The following LHFPL6 variants were observed in gnomAD, a reference collection of about 807,000 sequenced individuals.
LHFPL6 encodes LHFPL tetraspan subfamily member 6, also known as LHFPL tetraspan subfamily member 6 protein.
In LHFPL6, 9 loss-of-function variants were observed where a neutral mutation model predicts 20.6. The ratio of observed to expected loss-of-function variants is 0.44; its 90% confidence interval spans 0.26 to 0.76. The LOEUF (loss-of-function observed/expected upper bound fraction) is 0.76. LHFPL6 is among the 30% of genes least tolerant of loss of function. LHFPL6 has a pLI of 0.20. For synonymous variants in LHFPL6, 105 were observed against 98.7 expected, an observed-to-expected ratio of 1.06 and a Z score of -0.38; for missense variants, 218 against 253.5, an observed-to-expected ratio of 0.86 and a Z score of 0.95.
chr13:39,564,203 T>C (rs1195290042), intron 2 of LHFPL6, among the ~76,000 whole-genome samples: 1 of 152,224 alleles, frequency 6.6e-6, no homozygotes, highest in African/African-American at 2.4e-5. Context: ...AAAGTCTGTT[T>C]AGTACACTCT....
chr13:39,560,123 T>C (rs1871425708), intron 2 of LHFPL6, among the ~76,000 whole-genome samples: 1 of 152,146 alleles, frequency 6.6e-6, no homozygotes, highest in South Asian at 2.1e-4. Flanking sequence ...GGTCATTTCC[T>C]AGGCAAAAAT....
At chr13:39,524,642 G>C (rs890825041) in intron 2 of LHFPL6, among the ~76,000 whole-genome samples, 2 of 152,140 alleles carry the variant, frequency 1.3e-5, no homozygotes, top group African/African-American at 4.8e-5. Flanking sequence ...TTTAGTGAAA[G>C]CACTTTGAAA....
chr13:39,388,897 C>T (rs1870634760), intron 2 of LHFPL6, among the ~76,000 whole-genome samples: 2 of 152,148 alleles, frequency 1.3e-5, no homozygotes, highest in South Asian at 4.2e-4. Flanking sequence ...TCCTTCCCGG[C>T]AGGCTTGTAG....
chr13:39,560,506 T>C (rs952346972), intron 2 of LHFPL6, among the ~76,000 whole-genome samples: 3 of 142,062 alleles, frequency 2.1e-5, no homozygotes, highest in East Asian at 2.0e-4. Flanking sequence ...CAAATTCTCT[T>C]TTTTTTTTTT....
chr13:39,471,201 G>C (rs1246128526), intron 2 of LHFPL6, among the ~76,000 whole-genome samples: 2 of 152,196 alleles, frequency 1.3e-5, no homozygotes, highest in East Asian at 3.9e-4. Context: ...ACTGAATATA[G>C]AAAGACTGAA....
chr13:39,487,445 T>C (rs1015360050), intron 2 of LHFPL6, among the ~76,000 whole-genome samples: 4 of 152,196 alleles, frequency 2.6e-5, no homozygotes, highest in African/African-American at 9.7e-5. Flanking sequence ...TTAACCTTCC[T>C]GCATTTTAGT....
intron 2 of LHFPL6, among the ~76,000 whole-genome samples, chr13:39,392,505 A>T (rs1161696204): frequency 6.6e-6 from 1 of 152,164 alleles, no homozygotes; most frequent in Non-Finnish European, 1.5e-5. Context: ...AAGGCAGGAG[A>T]ATCGCTTGAA....
chr13:39,368,991 C>CA (rs1870084516), intron 3 of LHFPL6, among the ~76,000 whole-genome samples: 3 of 148,804 alleles, frequency 2.0e-5, no homozygotes, highest in Middle Eastern at 3.6e-3. Flanking sequence ...ACACATAATA[C>CA]AAAAAATAAT....
intron 2 of LHFPL6, among the ~76,000 whole-genome samples, chr13:39,444,649 G>A (rs1020247634): frequency 3.9e-5 from 6 of 152,154 alleles, no homozygotes; most frequent in African/African-American, 1.4e-4. Context: ...ACTCCACAGG[G>A]TACAAGCTAT....
intron 2 of LHFPL6, among the ~76,000 whole-genome samples, chr13:39,530,276 A>T (rs1404612203): frequency 2.0e-5 from 3 of 151,944 alleles, no homozygotes; most frequent in African/African-American, 7.3e-5. Context: ...TAAAAAAAAA[A>T]AGAAAAGAGT....
intron 2 of LHFPL6, among the ~76,000 whole-genome samples, chr13:39,537,267 T>C (rs987309396): frequency 2.0e-5 from 3 of 152,238 alleles, no homozygotes; most frequent in Non-Finnish European, 4.4e-5. Flanking sequence ...CAAGTCCACG[T>C]GGCTTTATGG....
chr13:39,599,141 T>G (rs912591489), intron 2 of LHFPL6, among the ~76,000 whole-genome samples: 3 of 152,176 alleles, frequency 2.0e-5, no homozygotes, highest in Non-Finnish European at 4.4e-5. Context: ...CAATAAAAAC[T>G]GATTTCTCTT....
At chr13:39,581,545 A>G (rs904138947) in intron 2 of LHFPL6, among the ~76,000 whole-genome samples, 149 of 151,142 alleles carry the variant, frequency 9.9e-4, no homozygotes, top group African/African-American at 1.5e-3. Flanking sequence ...AAAAAAAAAA[A>G]AAGAAGAAGA....
intron 3 of LHFPL6, among the ~76,000 whole-genome samples, chr13:39,350,361 T>C (rs1869527445): frequency 1.3e-5 from 2 of 152,156 alleles, no homozygotes; most frequent in African/African-American, 2.4e-5. Context: ...AAAGGAAAAA[T>C]AGATTTTTCT....
intron 3 of LHFPL6, among the ~76,000 whole-genome samples, chr13:39,345,578 TGCAGGAAAACAGCCTGTTGCTTG>T (rs1240016507): frequency 6.8e-6 from 1 of 147,748 alleles, no homozygotes; most frequent in Non-Finnish European, 1.5e-5. Flanking sequence ...CAAGTCAGTC[TGCAGGAAAACAGCCTGTTGCTTG>T]GCAAGAGTGA....
intron 2 of LHFPL6, among the ~76,000 whole-genome samples, chr13:39,451,662 T>G (rs753665260): frequency 1.3e-5 from 2 of 152,258 alleles, no homozygotes; most frequent in Non-Finnish European, 2.9e-5. Flanking sequence ...AATGATAGTT[T>G]AATTCCTTAC....
rs377396653 is a variant in LHFPL6, at chr13:39,601,152, G to A, written c.65C>T (p.Thr22Ile). 10 of 1,614,130 alleles carry A rather than the reference G, an allele frequency of 6.2e-6. No individual in the cohort carries two copies. The South Asian group carries it at 8.8e-5, about 14-fold the overall frequency. ...WALLSFLCAATSCVGFFMPYW... is the reference protein window; with the variant it reads ...WALLSFLCAAISCVGFFMPYW... ...AGGCATAAAGAACCCCACGCAGGAG[G>A]TGGCAGCACAAAGAAAAGACAGCAA... Residue 22 changes from threonine to isoleucine, a missense_variant, in exon 2 of 4, where the codon ACC (threonine) becomes ATC (isoleucine). Physicochemically the swap from Thr to Ile is moderately conservative, Grantham distance 89. Coordinates refer to ENST00000379589, the MANE Select transcript of LHFPL6 (RefSeq NM_005780.3).
At chr13:39,407,591 G>A (rs1871145165) in intron 2 of LHFPL6, among the ~76,000 whole-genome samples, 1 of 152,188 alleles carries the variant, frequency 6.6e-6, no homozygotes, top group South Asian at 2.1e-4. Flanking sequence ...AAATGCTTTA[G>A]AAGATATCTG....
At chr13:39,347,621 T>A (rs1382761559) in intron 3 of LHFPL6, among the ~76,000 whole-genome samples, 1 of 152,128 alleles carries the variant, frequency 6.6e-6, no homozygotes, top group African/African-American at 2.4e-5. Flanking sequence ...TTAATACAGA[T>A]AGAATAAGCA....
Sources: allele counts gnomAD v4.1 joint callset (sites outside exome capture counted in the v4.1 genomes callset), GRCh38; gene constraint gnomAD v4.1.1; transcripts MANE v1.5; gene names NCBI Gene and HGNC (gene_info 2026-07-23, HGNC 2026-07-21).